MACROD2: variants seen among roughly 807,000 people sequenced by gnomAD.
The protein encoded by MACROD2 is mono-ADP ribosylhydrolase 2, also known as ADP-ribose glycohydrolase MACROD2.
In MACROD2, 36 loss-of-function variants were observed where a neutral mutation model predicts 70.4. That is an observed-to-expected ratio of 0.51 (90% CI 0.39 to 0.68). MACROD2 has a LOEUF of 0.68. Ranked by LOEUF, MACROD2 falls within the 30% of genes least tolerant of loss-of-function variation. The pLI, the probability that MACROD2 is intolerant of heterozygous loss-of-function variation, is 0.00. For missense variants in MACROD2, 496 were observed against 538.4 expected, an observed-to-expected ratio of 0.92 and a Z score of 0.78; for synonymous variants, 172 against 178.8, an observed-to-expected ratio of 0.96 and a Z score of 0.30.
At chr20:15,299,790 C>T (rs139275869) in intron 6 of MACROD2, among the ~76,000 whole-genome samples, 15 of 152,278 alleles carry the variant, frequency 9.9e-5, no homozygotes, top group African/African-American at 3.6e-4. Context: ...GAGATTAGAT[C>T]CTTTGACTGC....
intron 5 of MACROD2, among the ~76,000 whole-genome samples, chr20:15,008,785 C>T (rs2075059628): frequency 6.6e-6 from 1 of 152,058 alleles, no homozygotes; most frequent in Non-Finnish European, 1.5e-5. Flanking sequence ...TTAAAATAAA[C>T]TATGTTTATT....
chr20:15,329,031 T>C (rs965872086), intron 6 of MACROD2, among the ~76,000 whole-genome samples: 17 of 152,106 alleles, frequency 1.1e-4, no homozygotes, highest in African/African-American at 3.6e-4. Flanking sequence ...TGTTAATTAT[T>C]GGAAAATTCT....
At chr20:14,504,133 C>A (rs2084944816) in intron 4 of MACROD2, among the ~76,000 whole-genome samples, 1 of 152,170 alleles carries the variant, frequency 6.6e-6, no homozygotes, top group South Asian at 2.1e-4. Flanking sequence ...TGTTCACTTG[C>A]TGAAACCTCA....
At chr20:15,977,957 GTAATGTGATGATTAGAGAT>G (rs1568681744) in intron 13 of MACROD2, among the ~76,000 whole-genome samples, 1 of 152,216 alleles carries the variant, frequency 6.6e-6, no homozygotes, top group Non-Finnish European at 1.5e-5. Flanking sequence ...CTTTCCAGAG[GTAATGTGATGATTAGAGAT>G]TACGTGTGAA....
At chr20:15,790,977 CCT>C (rs1247673944) in intron 8 of MACROD2, among the ~76,000 whole-genome samples, 5 of 151,452 alleles carry the variant, frequency 3.3e-5, no homozygotes, top group African/African-American at 1.2e-4. Flanking sequence ...CTGTTATTAC[CCT>C]GTTATGATTT....
intron 5 of MACROD2, among the ~76,000 whole-genome samples, chr20:14,848,226 G>A (rs2073162979): frequency 6.6e-6 from 1 of 152,142 alleles, no homozygotes. Context: ...TCACTTACTG[G>A]ACTTCCTAGG....
intron 5 of MACROD2, among the ~76,000 whole-genome samples, chr20:14,705,343 T>A (rs958217083): frequency 2.6e-5 from 4 of 152,142 alleles, no homozygotes; most frequent in Non-Finnish European, 5.9e-5. Flanking sequence ...TTTAATTTCA[T>A]TTTTATTAAA....
chr20:14,157,355 G>A (rs1439904764), intron 3 of MACROD2, among the ~76,000 whole-genome samples: 2 of 152,022 alleles, frequency 1.3e-5, no homozygotes, highest in African/African-American at 4.8e-5. Context: ...AGGGTGTTTG[G>A]GGTATCCATC....
chr20:14,178,299 T>C (rs1315629547), intron 3 of MACROD2, among the ~76,000 whole-genome samples: 1 of 152,148 alleles, frequency 6.6e-6, no homozygotes, highest in Non-Finnish European at 1.5e-5. Context: ...TATTGAAATA[T>C]CAAATTTTAA....
intron 2 of MACROD2, among the ~76,000 whole-genome samples, chr20:14,067,123 G>GT (rs544348706): frequency 0.11 from 9,428 of 85,022 alleles, 1,364 homozygotes; most frequent in African/African-American, 0.29. Flanking sequence ...ATTTTTTAGT[G>GT]TTTTTTTTTT....
At chr20:14,932,699 G>A (rs532418988) in intron 5 of MACROD2, among the ~76,000 whole-genome samples, 1 of 152,184 alleles carries the variant, frequency 6.6e-6, no homozygotes, top group African/African-American at 2.4e-5. Flanking sequence ...CCAAGTAGCT[G>A]GGACTACAGG....
intron 8 of MACROD2, among the ~76,000 whole-genome samples, chr20:15,666,661 A>C (rs932870015): frequency 2.6e-5 from 4 of 152,192 alleles, no homozygotes; most frequent in African/African-American, 9.7e-5. Context: ...TCAATTCAAT[A>C]AATATTTTCC....
intron 7 of MACROD2, among the ~76,000 whole-genome samples, chr20:15,474,203 C>T (rs529526353): frequency 6.6e-6 from 1 of 152,332 alleles, no homozygotes; most frequent in East Asian, 1.9e-4. Flanking sequence ...AACATTTTAT[C>T]ATAAATCATT....
At chr20:14,215,142 A>T (rs1363783437) in intron 3 of MACROD2, among the ~76,000 whole-genome samples, 43 of 143,544 alleles carry the variant, frequency 3.0e-4, no homozygotes, top group African/African-American at 1.1e-3. Context: ...ATATATATAT[A>T]TTCCATCATA....
intron 3 of MACROD2, among the ~76,000 whole-genome samples, chr20:14,317,968 A>G (rs190023481): frequency 7.4e-4 from 113 of 152,338 alleles, no homozygotes; most frequent in African/African-American, 2.6e-3. Flanking sequence ...CTGTATGTGT[A>G]AGACGTCACT....
intron 7 of MACROD2, among the ~76,000 whole-genome samples, chr20:15,460,291 C>T (rs2046789833): frequency 6.6e-6 from 1 of 152,128 alleles, no homozygotes; most frequent in Non-Finnish European, 1.5e-5. Flanking sequence ...CCTGTTTCTG[C>T]CAGGACCAAT....
chr20:15,288,867 G>GTCTGTCTA (rs71340213), intron 6 of MACROD2, among the ~76,000 whole-genome samples: 1,863 of 146,924 alleles, frequency 0.013, 18 homozygotes, highest in African/African-American at 0.02. Context: ...CTGTCTGTCT[G>GTCTGTCTA]TCTATCTATC....
At chr20:15,506,529 T>A (rs1308263791) in intron 8 of MACROD2, among the ~76,000 whole-genome samples, 3 of 152,192 alleles carry the variant, frequency 2.0e-5, no homozygotes, top group Non-Finnish European at 4.4e-5. Flanking sequence ...TTTGAGCATA[T>A]GCAGTGTTAA....
intron 5 of MACROD2, among the ~76,000 whole-genome samples, chr20:14,882,528 A>T (rs1267228858): frequency 6.6e-6 from 1 of 152,164 alleles, no homozygotes; most frequent in Non-Finnish European, 1.5e-5. Flanking sequence ...ATAGATTGGG[A>T]AGTTGGGTTG....
Sources: gnomAD v4.1 joint callset for allele counts (sites outside exome capture counted in the v4.1 genomes callset) on GRCh38, gnomAD v4.1.1 for gene constraint, MANE v1.5 for transcripts, NCBI Gene and HGNC (gene_info 2026-07-23, HGNC 2026-07-21) for gene names.